ZFHX3: variants seen among roughly 807,000 people sequenced by gnomAD.
ZFHX3 encodes zinc finger homeobox 3.
ZFHX3 carries 42 observed loss-of-function variants against 279.1 expected under a neutral mutation model. That is an observed-to-expected ratio of 0.15 (90% CI 0.12 to 0.19). ZFHX3 has a LOEUF of 0.19. Among genes scored for constraint, ZFHX3 ranks in the 10% least tolerant of loss-of-function variants. ZFHX3 has a pLI of 1.00. For synonymous variants in ZFHX3, 2,293 were observed against 1,957.8 expected (o/e 1.17, Z -4.52); for missense variants, 4,981 against 4,754.0 (o/e 1.05, Z -1.40).
intron 5 of ZFHX3, among the ~76,000 whole-genome samples, chr16:73,187,348 T>TC (rs915707546): frequency 6.6e-6 from 1 of 151,936 alleles, no homozygotes; most frequent in Non-Finnish European, 1.5e-5. Context: ...AGGGATTTTT[T>TC]TTTTTTTAAA....
At chr16:73,823,058 G>C (rs1034574915) in intron 1 of ZFHX3, among the ~76,000 whole-genome samples, 1 of 152,186 alleles carries the variant, frequency 6.6e-6, no homozygotes, top group Non-Finnish European at 1.5e-5. Context: ...ATGGAGCTTA[G>C]AGACCAGTGA....
intron 5 of ZFHX3, among the ~76,000 whole-genome samples, chr16:73,179,495 C>T (rs919733215): frequency 6.6e-6 from 1 of 152,104 alleles, no homozygotes; most frequent in Non-Finnish European, 1.5e-5. Flanking sequence ...AATTTACTAG[C>T]ACAAGTGCCA....
chr16:73,175,302 C>T (rs1967636713), intron 5 of ZFHX3, among the ~76,000 whole-genome samples: 1 of 152,066 alleles, frequency 6.6e-6, no homozygotes, highest in South Asian at 2.1e-4. Context: ...ATCACTTGAA[C>T]CCAGGAGGTG....
intron 3 of ZFHX3, among the ~76,000 whole-genome samples, chr16:72,894,607 G>C (rs1406663536): frequency 6.6e-6 from 1 of 152,224 alleles, no homozygotes; most frequent in Non-Finnish European, 1.5e-5. Context: ...GAAGGGAGTG[G>C]ATGTTTTCAT....
At chr16:73,702,080 G>C (rs1359711337) in intron 1 of ZFHX3, among the ~76,000 whole-genome samples, 1 of 152,096 alleles carries the variant, frequency 6.6e-6, no homozygotes, top group Non-Finnish European at 1.5e-5. Context: ...AAATCAAGGA[G>C]GTGGAGAGTG....
intron 2 of ZFHX3, among the ~76,000 whole-genome samples, chr16:73,606,755 C>G (rs1330603887): frequency 1.3e-5 from 2 of 152,080 alleles, no homozygotes; most frequent in Non-Finnish European, 2.9e-5. Context: ...CTGACAGGCC[C>G]CAGTGTGTGT....
intron 8 of ZFHX3, among the ~76,000 whole-genome samples, chr16:72,799,039 A>AT (rs1384367641): frequency 6.6e-6 from 1 of 152,226 alleles, no homozygotes; most frequent in Non-Finnish European, 1.5e-5. Context: ...AGAATCCTCA[A>AT]TTTCTCAAGA....
chr16:73,523,471 T>C (rs996340775), intron 2 of ZFHX3, among the ~76,000 whole-genome samples: 2 of 152,162 alleles, frequency 1.3e-5, no homozygotes, highest in African/African-American at 4.8e-5. Context: ...TCCCATGTTC[T>C]GAGTTCATTG....
chr16:73,872,245 G>T (rs564694262), intron 1 of ZFHX3, among the ~76,000 whole-genome samples: 79 of 146,048 alleles, frequency 5.4e-4, no homozygotes, highest in African/African-American at 1.6e-3. Context: ...GGACATCCCT[G>T]TTTTTTTTTT....
At chr16:73,510,222 A>T (rs2019405458) in intron 2 of ZFHX3, among the ~76,000 whole-genome samples, 3 of 152,286 alleles carry the variant, frequency 2.0e-5, no homozygotes, top group African/African-American at 7.2e-5. Context: ...TGCCCATAGC[A>T]TTATCACAAT....
intron 4 of ZFHX3, among the ~76,000 whole-genome samples, chr16:72,875,032 T>G (rs1030374578): frequency 2.0e-5 from 3 of 152,202 alleles, no homozygotes; most frequent in Non-Finnish European, 2.9e-5. Context: ...GGGGGCTGCC[T>G]AACCTGTTGA....
At chr16:73,180,665 G>A (rs537882130) in intron 5 of ZFHX3, among the ~76,000 whole-genome samples, 1 of 151,818 alleles carries the variant, frequency 6.6e-6, no homozygotes, top group East Asian at 1.9e-4. Flanking sequence ...TCATTCTGCT[G>A]CTGTTTTTTT....
At chr16:72,922,530 G>C (rs1346119101) in intron 3 of ZFHX3, among the ~76,000 whole-genome samples, 1 of 152,158 alleles carries the variant, frequency 6.6e-6, no homozygotes, top group Non-Finnish European at 1.5e-5. Flanking sequence ...GATGGCTTTA[G>C]CGTCACAGAA....
At chr16:72,886,795 T>C (rs959245241) in intron 4 of ZFHX3, among the ~76,000 whole-genome samples, 3 of 152,162 alleles carry the variant, frequency 2.0e-5, no homozygotes, top group Non-Finnish European at 1.5e-5. Context: ...CCACAATCCC[T>C]GGGTGGGGCA....
At chr16:73,595,476 C>G (rs1033272850) in intron 2 of ZFHX3, among the ~76,000 whole-genome samples, 1 of 152,012 alleles carries the variant, frequency 6.6e-6, no homozygotes, top group African/African-American at 2.4e-5. Flanking sequence ...TCGTTTTTAC[C>G]TTACTTCTTT....
In ZFHX3 at chr16:73,684,958, CA is replaced by C. The variant is rs1567551366; in HGVS notation, c.-1607-4719del. ...TCATGATCCGCCCACCTCAGCCTCC[CA>C]AAGTGCTGGGATTACAGGCGTGAGC... On this transcript the variant is annotated intron_variant, in intron 1 of 17. Transcript: ENST00000641206. Among the ~76,000 whole-genome samples the C allele has an allele frequency of 6.6e-5, 10 of 152,074 alleles. No homozygotes were observed. The South Asian group carries it at 2.1e-3, about 32-fold the overall frequency.
intron 1 of ZFHX3, among the ~76,000 whole-genome samples, chr16:73,845,422 G>A (rs1382208660): frequency 2.6e-5 from 4 of 152,010 alleles, no homozygotes; most frequent in Admixed American, 6.6e-5. Flanking sequence ...GACCAGCCCC[G>A]TGCACTTAGC....
intron 1 of ZFHX3, among the ~76,000 whole-genome samples, chr16:73,763,162 C>T (rs1283685613): frequency 6.6e-6 from 1 of 152,012 alleles, no homozygotes; most frequent in African/African-American, 2.4e-5. Context: ...GTACAGGATA[C>T]AGTGTTTAAA....
chr16:73,589,577 A>G (rs1333028259), intron 2 of ZFHX3, among the ~76,000 whole-genome samples: 1 of 151,012 alleles, frequency 6.6e-6, no homozygotes, highest in Non-Finnish European at 1.5e-5. Context: ...TAAAAACACA[A>G]AAATTAGCTG....
Sources: allele counts gnomAD v4.1 joint callset (sites outside exome capture counted in the v4.1 genomes callset), GRCh38; gene constraint gnomAD v4.1.1; transcripts MANE v1.5; gene names NCBI Gene and HGNC (gene_info 2026-07-23, HGNC 2026-07-21).